The following MIPOL1 variants were observed in gnomAD, a reference collection of about 807,000 sequenced individuals.
The protein encoded by MIPOL1 is mirror-image polydactyly gene 1 protein.
MIPOL1 carries 57 observed loss-of-function variants against 60.9 expected under a neutral mutation model. The ratio of observed to expected loss-of-function variants is 0.94; its 90% confidence interval spans 0.76 to 1.17. MIPOL1 has a LOEUF of 1.17. Among genes scored for constraint, MIPOL1 ranks in the 50% most tolerant of loss-of-function variants. MIPOL1 has a pLI of 0.00. For synonymous variants in MIPOL1, 179 were observed against 168.8 expected (o/e 1.06, Z -0.47); for missense variants, 551 against 511.6 (o/e 1.08, Z -0.74).
At chr14:37,407,613 C>G (rs1002880833) in intron 10 of MIPOL1, among the ~76,000 whole-genome samples, 3 of 151,992 alleles carry the variant, frequency 2.0e-5, no homozygotes, top group African/African-American at 7.2e-5. Context: ...AGTGATTAAA[C>G]TGCTTTAAAT....
At chr14:37,443,350 T>C (rs1360950588) in intron 11 of MIPOL1, among the ~76,000 whole-genome samples, 1 of 148,608 alleles carries the variant, frequency 6.7e-6, no homozygotes, top group Admixed American at 6.9e-5. Context: ...TTCCAGCTAC[T>C]GGGGAGGCTG....
chr14:37,501,156 G>A (rs993231209), intron 12 of MIPOL1, among the ~76,000 whole-genome samples: 11 of 152,082 alleles, frequency 7.2e-5, no homozygotes, highest in Non-Finnish European at 1.2e-4. Context: ...ATCTTTACTA[G>A]CCATGTACCT....
chr14:37,338,200 G>A (rs553452171), intron 9 of MIPOL1, among the ~76,000 whole-genome samples: 1 of 148,494 alleles, frequency 6.7e-6, no homozygotes, highest in East Asian at 2.0e-4. Flanking sequence ...TCCACCTCCT[G>A]GGTCCACGCC....
In MIPOL1 at chr14:37,328,692, C is replaced by CT. The variant is rs534108587; in HGVS notation, c.828+20176dup. 1.2e-3 allele frequency among the ~76,000 whole-genome samples: 183 copies of CT among 152,246 alleles called. 1 individual carries two copies. Among genetic ancestry groups the CT allele is most frequent in the African/African-American group, 4.3e-3 (179 of 41,540 alleles). ...GAGTAGTGCTTGTCCCTGGATCACA[C>CT]TTTGAGGAGCACTGCTCTAAATGAG... On this transcript the variant is annotated intron_variant, in intron 9 of 12. Transcript: ENST00000684589.
At chr14:37,262,781 T>G (rs2082604356) in intron 3 of MIPOL1, among the ~76,000 whole-genome samples, 1 of 152,192 alleles carries the variant, frequency 6.6e-6, no homozygotes, top group African/African-American at 2.4e-5. Context: ...GTTGCTATTC[T>G]GAGTAACCCC....
chr14:37,206,403 A>G (rs1405670000), intron 1 of MIPOL1, among the ~76,000 whole-genome samples: 1 of 152,154 alleles, frequency 6.6e-6, no homozygotes, highest in Non-Finnish European at 1.5e-5. Flanking sequence ...TAGATTTAAG[A>G]GGATATATGG....
chr14:37,231,052 T>A lies in MIPOL1; in HGVS notation c.-198-16051T>A, dbSNP rs1463248520. On this transcript the variant is annotated intron_variant, in intron 1 of 12. Transcript: ENST00000684589. Reference sequence around the variant, plus strand: ...TATTGGTCTGTCCTTACACTTTGAGTCAGTACTCTAATGACCAAGAAAATG... The same window carrying A: ...TATTGGTCTGTCCTTACACTTTGAGACAGTACTCTAATGACCAAGAAAATG... Among the ~76,000 whole-genome samples the A allele has an allele frequency of 2.0e-5, 3 of 152,072 alleles. 1 individual carries two copies. The highest frequency in any genetic ancestry group is 4.4e-5 in the Non-Finnish European group (3 of 68,018).
In MIPOL1 at chr14:37,249,690, G is replaced by A. The variant is rs141851089; in HGVS notation, c.19+1783G>A. Among the ~76,000 whole-genome samples, 24 of 152,192 alleles carry A rather than the reference G, an allele frequency of 1.6e-4. 2 individuals carry two copies. Among genetic ancestry groups the A allele is most frequent in the African/African-American group, 5.8e-4 (24 of 41,538 alleles). On this transcript the variant is annotated intron_variant, in intron 3 of 12. Transcript: ENST00000684589. ...ATTTTGGTGTGCTCTATATATTCAA[G>A]TTGTGGATAAGAATGTATTGGTATG...
At chr14:37,499,818 A>G (rs2095188867) in intron 11 of MIPOL1, 90 bp from the exon 12 acceptor site, 1 of 556,332 alleles carries the variant, frequency 1.8e-6, no homozygotes, top group African/African-American at 1.9e-5. Flanking sequence ...TTTTAGAACT[A>G]GAGATTCTAA....
chr14:37,272,572 A>G (rs922943938), intron 6 of MIPOL1, among the ~76,000 whole-genome samples: 7 of 151,582 alleles, frequency 4.6e-5, no homozygotes, highest in Non-Finnish European at 8.9e-5. Flanking sequence ...AGGTACAGTC[A>G]AAAAGCAAAA....
intron 3 of MIPOL1, among the ~76,000 whole-genome samples, chr14:37,253,555 T>C (rs1974443572): frequency 1.3e-5 from 2 of 151,752 alleles, no homozygotes; most frequent in South Asian, 4.1e-4. Flanking sequence ...ACAAAGGTGG[T>C]TGACAAATTT....
At chr14:37,200,697 C>T (rs557357197) in intron 1 of MIPOL1, among the ~76,000 whole-genome samples, 2 of 142,004 alleles carry the variant, frequency 1.4e-5, no homozygotes, top group East Asian at 4.1e-4. Context: ...TAACACAGTC[C>T]TCTGGCTGGA....
intron 9 of MIPOL1, among the ~76,000 whole-genome samples, chr14:37,355,846 G>A (rs1455776903): frequency 1.3e-5 from 2 of 149,760 alleles, no homozygotes; most frequent in African/African-American, 2.4e-5. Context: ...TTTGCCTTTG[G>A]TTTGAATGTC....
Position 37,236,008 on chromosome 14 carries a change from C to T in MIPOL1, c.-198-11095C>T, listed in dbSNP as rs144987675. On this transcript the variant is annotated intron_variant, in intron 1 of 12. Transcript: ENST00000684589. ...GTGGCACGATCTCGGCTCACTGCAA[C>T]CTCCGCCTCCCGGGTTCAAATGATT... Among the ~76,000 whole-genome samples the T allele has an allele frequency of 2.5e-3, 379 of 151,794 alleles. 1 individual carries two copies. Among genetic ancestry groups the T allele is most frequent in the African/African-American group, 8.8e-3 (362 of 41,344 alleles).
At chr14:37,286,896 G>C (rs772114091) in intron 7 of MIPOL1, among the ~76,000 whole-genome samples, 7 of 152,050 alleles carry the variant, frequency 4.6e-5, no homozygotes, top group Non-Finnish European at 8.8e-5. Context: ...TCATTACCTA[G>C]AAGGATAGAT....
intron 9 of MIPOL1, among the ~76,000 whole-genome samples, chr14:37,323,771 A>G (rs950151979): frequency 2.0e-5 from 3 of 151,954 alleles, no homozygotes; most frequent in Non-Finnish European, 4.4e-5. Context: ...TCTATCAATC[A>G]TCTCTGCCTC....
At chr14:37,249,313 C>T (rs773899821) in intron 3 of MIPOL1, among the ~76,000 whole-genome samples, 17 of 152,196 alleles carry the variant, frequency 1.1e-4, no homozygotes, top group East Asian at 5.8e-4. Flanking sequence ...AGTCCTGCCA[C>T]ATTTTTATCC....
chr14:37,322,372 C>A (rs1047742490), intron 9 of MIPOL1, among the ~76,000 whole-genome samples: 15 of 151,908 alleles, frequency 9.9e-5, no homozygotes, highest in African/African-American at 3.6e-4. Flanking sequence ...CAACGGCAAT[C>A]ACTGATCTGA....
chr14:37,430,606 T>C (rs2094045791), intron 11 of MIPOL1, among the ~76,000 whole-genome samples: 1 of 152,120 alleles, frequency 6.6e-6, no homozygotes, highest in African/African-American at 2.4e-5. Context: ...GAATGTGGCA[T>C]TTACTAAGCT....
Sources: gnomAD v4.1 joint callset for allele counts (sites outside exome capture counted in the v4.1 genomes callset) on GRCh38, gnomAD v4.1.1 for gene constraint, MANE v1.5 for transcripts, NCBI Gene and HGNC (gene_info 2026-07-23, HGNC 2026-07-21) for gene names.